Variants in NCOR2 observed in about 807,000 individuals in gnomAD.
The protein encoded by NCOR2 is CTG repeat protein 26.
Under a neutral mutation model 262.9 loss-of-function variants are expected in NCOR2, and 81 were observed. The ratio of observed to expected loss-of-function variants is 0.31; its 90% CI spans 0.26 to 0.37. The LOEUF (loss-of-function observed/expected upper bound fraction) is 0.37. Among genes scored for constraint, NCOR2 ranks in the 10% least tolerant of loss-of-function variants. The pLI, the probability that NCOR2 is intolerant of heterozygous loss-of-function variation, is 1.00. For synonymous variants in NCOR2, 1,659 were observed against 1,559.3 expected (o/e 1.06, Z -1.51); for missense variants, 3,385 against 3,621.4 (o/e 0.93, Z 1.68).
At chr12:124,467,741 C>CT (rs1206114020) in intron 4 of NCOR2, among the ~76,000 whole-genome samples, 8 of 133,458 alleles carry the variant, frequency 6.0e-5, no homozygotes, top group South Asian at 2.7e-4. Context: ...CCTCATCACC[C>CT]CATCACCCTC....
exon 19 of NCOR2, chr12:124,374,449 C>A: frequency 6.2e-7 from 1 of 1,612,712 alleles, no homozygotes; most frequent in South Asian, 1.1e-5. Context: ...ACCTCATTCC[C>A]AGAGGCATGT....
At chr12:124,428,364 C>T (rs138076600) in intron 10 of NCOR2, among the ~76,000 whole-genome samples, 1 of 152,292 alleles carries the variant, frequency 6.6e-6, no homozygotes, top group African/African-American at 2.4e-5. Context: ...AAACGTACCA[C>T]GAGAAGTTTT....
In NCOR2 at chr12:124,457,258, C is replaced by CCCAGT; in HGVS notation, c.706-101_706-97dup. ...CCCGGAGCAGCGGGCACCTGCCCAGCCCAGTCCAGCATGCTGATCCTCAGC... is the reference window on the plus strand; with the variant it reads ...CCCGGAGCAGCGGGCACCTGCCCAGCCCAGTCCAGTCCAGCATGCTGATCCTCAGC... On this transcript the variant is annotated intron_variant, in intron 5 of 46. Coordinates refer to ENST00000405201, the Ensembl canonical transcript of NCOR2. This position sits in a 1 kb window ranked among gnomAD's most constrained non-coding sequence, Gnocchi z 4.0. The CCCAGT allele has an allele frequency of 7.6e-7, 1 of 1,312,442 alleles. No homozygotes were observed. 81.3% of individuals were successfully genotyped at this position (1,312,442 alleles called of 1,614,324 possible).
intron 10 of NCOR2, among the ~76,000 whole-genome samples, chr12:124,428,538 T>C (rs921893301): frequency 4.6e-5 from 7 of 152,140 alleles, no homozygotes; most frequent in Non-Finnish European, 1.0e-4. Flanking sequence ...GCCCCCTCCC[T>C]GGGGCCCCTT....
intron 28 of NCOR2, 32 bp downstream of exon 30, chr12:124,350,555 G>A: frequency 6.2e-7 from 1 of 1,600,928 alleles, no homozygotes; most frequent in East Asian, 2.2e-5. Context: ...CTCCTCCCCT[G>A]GTCCTGGGCC....
intron 14 of NCOR2, among the ~76,000 whole-genome samples, chr12:124,401,906 GGAGGCTGTCACGGCCCCCGCGGT>G (rs1340764559): frequency 1.3e-5 from 2 of 152,236 alleles, no homozygotes; most frequent in Non-Finnish European, 2.9e-5. Flanking sequence ...GGCAGGCACA[GGAGGCTGTCACGGCCCCCGCGGT>G]GAGGCTGTGC....
At position 124,434,697 on chromosome 12, in the gene NCOR2, G is replaced by C. The variant is rs182087622; in HGVS notation, c.882+3233C>G. 6.6e-5 allele frequency among the ~76,000 whole-genome samples: 10 copies of C among 152,292 alleles called. No individual in the cohort carries two copies. In the South Asian group the frequency reaches 8.3e-4, roughly 13 times the overall value. The stretch of plus-strand genomic sequence containing the variant: ...GCTGTCAAGGAGGCGGCAAGATCGC[G>C]CTGAATTGGCAGTCATTTTAGGTGA... On this transcript the variant is annotated intron_variant, in intron 8 of 46. Transcript: ENST00000405201.
At chr12:124,507,648 G>A (rs893810341) in intron 1 of NCOR2, among the ~76,000 whole-genome samples, 2 of 152,230 alleles carry the variant, frequency 1.3e-5, no homozygotes, top group African/African-American at 4.8e-5. Flanking sequence ...CTCTCCCCTC[G>A]CCAGCTGCCT....
chr12:124,362,316 A>C lies in NCOR2; in HGVS notation c.2929-19T>G. The stretch of plus-strand genomic sequence containing the variant: ...TGACCTGCTGAGGGAAGCAGGCAGA[A>C]GTGAGCATTCACAGAGGGTGTCTGA... On this transcript the variant is annotated intron_variant, in intron 21 of 46. Coordinates refer to ENST00000405201, the Ensembl canonical transcript of NCOR2. 7.5e-7 allele frequency: 1 copy of C among 1,335,948 alleles called. No individual in the cohort carries two copies. Among genetic ancestry groups the C allele is most frequent in the Non-Finnish European group, 9.6e-7 (1 of 1,043,856 alleles). The allele number at this position is 1,335,948 out of a possible 1,614,324, so 82.8% of individuals were successfully genotyped here. A position where few individuals can be genotyped will look rare whatever the true frequency, so the allele number is the denominator to read the frequency against.
chr12:124,450,515 C>T lies in NCOR2; in HGVS notation c.763-648G>A, dbSNP rs558742757. On this transcript the variant is annotated intron_variant, in intron 6 of 46. Coordinates refer to ENST00000405201, the Ensembl canonical transcript of NCOR2. ...GACGGGCGCTAGGATGTTCCTAACG[C>T]ACTGCTCACAGCGGCCAGTGAGAAG... Among the ~76,000 whole-genome samples the T allele has an allele frequency of 3.9e-5, 6 of 152,306 alleles. No homozygotes were observed. The South Asian group carries it at 1.0e-3, about 26-fold the overall frequency.
At chr12:124,348,055 C>T (rs1437974440) in intron 29 of NCOR2, 119 bp downstream of exon 31, 18 of 1,518,944 alleles carry the variant, frequency 1.2e-5, no homozygotes, top group Non-Finnish European at 1.5e-5. Context: ...CCCTGCGCTA[C>T]CTCCAGATGG....
chr12:124,398,038 G>A, intron 16 of NCOR2, 81 bp downstream of exon 18: 1 of 1,548,272 alleles, frequency 6.5e-7, no homozygotes, highest in South Asian at 1.1e-5. Context: ...GGCCAAATGT[G>A]TCAACACCCT....
At chr12:124,495,634 C>T (rs939199609), upstream of NCOR2, among the ~76,000 whole-genome samples, 1 of 152,188 alleles carries the variant, frequency 6.6e-6, no homozygotes, top group Non-Finnish European at 1.5e-5. This position sits in a 1 kb window ranked among gnomAD's most constrained non-coding sequence, Gnocchi z 4.4. Flanking sequence ...CCGGCAGGCA[C>T]AGGGACTCTG....
intron 16 of NCOR2, among the ~76,000 whole-genome samples, chr12:124,391,830 C>G (rs557112496): frequency 6.6e-6 from 1 of 152,256 alleles, no homozygotes; most frequent in South Asian, 2.1e-4. Flanking sequence ...CTGCATACGA[C>G]CTGGCGCTGT....
At chr12:124,559,959 G>A (rs1341892731) in intron 1 of NCOR2, among the ~76,000 whole-genome samples, 6 of 152,228 alleles carry the variant, frequency 3.9e-5, no homozygotes, top group Non-Finnish European at 7.3e-5. Flanking sequence ...ATCAGGCCAA[G>A]TGCTTGCTGC....
At chr12:124,559,833 G>A (rs2137289640) in intron 1 of NCOR2, among the ~76,000 whole-genome samples, 1 of 152,336 alleles carries the variant, frequency 6.6e-6, no homozygotes, top group Non-Finnish European at 1.5e-5. Flanking sequence ...AGGGAAACAA[G>A]ATGGATTACG....
exon 39 of NCOR2, chr12:124,335,589 G>A (rs2035804379): frequency 1.2e-6 from 2 of 1,608,336 alleles, no homozygotes; most frequent in Non-Finnish European, 1.7e-6. Context: ...TCACAGGGCT[G>A]ACGGGCTCCA....
Position 124,441,748 on chromosome 12 carries a change from TAAAG to T in NCOR2, c.816-3756_816-3753del, listed in dbSNP as rs1369418340. ...TGGGTGGGACTTGGTGACTCCCTAGTAAAGAACAGAGCAAAGGAGGGATAACTCT... is the reference window on the plus strand; with the variant it reads ...TGGGTGGGACTTGGTGACTCCCTAGTAACAGAGCAAAGGAGGGATAACTCT... On this transcript the variant is annotated intron_variant, in intron 7 of 46. Coordinates refer to ENST00000405201, the Ensembl canonical transcript of NCOR2. 3.3e-5 allele frequency among the ~76,000 whole-genome samples: 5 copies of T among 152,254 alleles called. No homozygotes were observed. In the East Asian group the frequency reaches 9.7e-4, roughly 29 times the overall value.
chr12:124,467,536 ACCCTCATCCTCATCACCCCCATCG>A (rs2046517457), intron 4 of NCOR2, among the ~76,000 whole-genome samples: 1 of 11,958 alleles, frequency 8.4e-5, no homozygotes, highest in African/African-American at 3.6e-4. Context: ...CACCCCCATC[ACCCTCATCCTCATCACCCCCATCG>A]TCCTCATCCT....
Sources: allele counts gnomAD v4.1 joint callset (sites outside exome capture counted in the v4.1 genomes callset), GRCh38; gene constraint gnomAD v4.1.1; non-coding constraint Gnocchi (gnomAD v3.1); transcripts MANE v1.5; gene names NCBI Gene and HGNC (gene_info 2026-07-23, HGNC 2026-07-21).